Variants in APOB observed in about 807,000 individuals in gnomAD.
APOB encodes apolipoprotein B-100.
APOB carries 153 observed loss-of-function variants against 314.1 expected under a neutral mutation model. That is an observed-to-expected ratio of 0.49 (90% CI 0.43 to 0.56). The LOEUF is 0.56. Ranked by LOEUF, APOB falls within the 20% of genes least tolerant of loss-of-function variation. APOB has a pLI of 0.00. For synonymous variants in APOB, 2,087 were observed against 2,036.4 expected (o/e 1.02, Z -0.67); for missense variants, 5,430 against 5,350.7 (o/e 1.01, Z -0.46).
In APOB at chr2:21,011,117, G is replaced by C. The variant is rs543623037; in HGVS notation, c.5751C>G (p.Leu1917=). The change falls in exon 26 of 29, where the codon CTC becomes CTG. Residue 1917 remains leucine, a synonymous_variant. Coordinates refer to ENST00000233242, the MANE Select transcript of APOB (RefSeq NM_000384.3). ...GCCCAGTATGTTCTCCCCAGAGAGC[G>C]AGTTTCCCATTGCCATTTGTATGTG... ...IDAHTNGNGK[L]ALWGEHTGQL... is the part of the protein sequence containing the mutation. 3.1e-6 allele frequency: 5 copies of C among 1,614,152 alleles called. No individual in the cohort carries two copies. The highest frequency in any genetic ancestry group is 4.2e-6 in the Non-Finnish European group (5 of 1,180,016).
chr2:21,013,445 T>G lies in APOB; in HGVS notation c.3931A>C (p.Lys1311Gln). ...PFGGKSSRDLKMLETVRTPAL... is the reference protein window; with the variant it reads ...PFGGKSSRDLQMLETVRTPAL... The stretch of plus-strand genomic sequence containing the variant: ...GGTGTCCTAACAGTCTCTAACATCT[T>G]TAGATCTCTGGAGGATTTGCCACCA... Residue 1311 changes from lysine (K) to glutamine (Q), a missense_variant, in exon 25 of 29, where the codon AAG (lysine) becomes CAG (glutamine). Physicochemically the swap from Lys to Gln is moderately conservative, Grantham distance 53. This residue lies in a region of APOB where 2,085 missense variants were observed against 2,079.7 expected (regional missense o/e 1.00). Transcript: ENST00000233242. 20 of 1,614,208 alleles carry G rather than the reference T, an allele frequency of 1.2e-5. No homozygotes were observed. Among genetic ancestry groups the G allele is most frequent in the Non-Finnish European group, 1.7e-5 (20 of 1,180,016 alleles).
chr2:21,029,824 A>G (rs1476621091), intron 11 of APOB, 39 bp from the exon 12 acceptor site: 1 of 1,613,402 alleles, frequency 6.2e-7, no homozygotes, highest in South Asian at 1.1e-5. Flanking sequence ...ATCAGGGTGC[A>G]GGAGAGGGAA....
rs140830032 is a variant in APOB at position 21,031,237 on chromosome 2, T to C, written c.1352+1117A>G. Among the ~76,000 whole-genome samples the C allele has an allele frequency of 7.9e-4, 121 of 152,344 alleles. No homozygotes were observed. In the East Asian group the frequency reaches 0.014, roughly 17 times the overall value. On this transcript the variant is annotated intron_variant, in intron 10 of 28. Coordinates refer to ENST00000233242, the MANE Select transcript of APOB (RefSeq NM_000384.3). ...TCAATGGACGATTGGATTAAAAATG[T>C]GAAATGTATAGGCAATAAAATACTA...
intron 21 of APOB, among the ~76,000 whole-genome samples, chr2:21,016,223 G>T (rs542828012): frequency 3.8e-4 from 58 of 152,120 alleles, no homozygotes; most frequent in Non-Finnish European, 7.8e-4. Context: ...GGGAGGCGGA[G>T]GTTGCAGTGA....
intron 3 of APOB, among the ~76,000 whole-genome samples, chr2:21,041,561 A>G (rs1664133220): frequency 6.6e-6 from 1 of 152,246 alleles, no homozygotes; most frequent in South Asian, 2.1e-4. Flanking sequence ...TGGAGTTTCA[A>G]CGGATTCCTA....
At position 21,006,348 on chromosome 2, in the gene APOB, C is replaced by T. The variant is rs201156840; in HGVS notation, c.10520G>A (p.Arg3507Gln). The change falls in exon 26 of 29, where the codon CGG (arginine) becomes CAG (glutamine). Residue 3507 changes from arginine (R) to glutamine (Q), a missense_variant. By Grantham distance (43) the Arg-to-Gln change is conservative (BLOSUM62 1). Coordinates refer to ENST00000233242, the MANE Select transcript of APOB (RefSeq NM_000384.3). ...ACTAGCAATAGTTCCTGAATATTCC[C>T]GAGAAAGAACCGAACCCTTGACATC... ...KGDVKGSVLS[R>Q]EYSGTIASEA... 27 of 1,613,846 alleles carry T rather than the reference C, an allele frequency of 1.7e-5. No homozygotes were observed. Among genetic ancestry groups the T allele is most frequent in the South Asian group, 9.9e-5 (9 of 91,080 alleles).
In APOB at chr2:21,013,268, A is replaced by C; in HGVS notation, c.4108T>G (p.Ser1370Ala). Residue 1370 changes from serine to alanine, a missense_variant, in exon 25 of 29, where the codon TCC becomes GCC. This residue lies in a region of APOB where 2,085 missense variants were observed against 2,079.7 expected (regional missense o/e 1.00). Transcript: ENST00000233242. ...GTGTTGCCACCACTGTAGGAGGCGG[A>C]CCAGTTGTACAAGTTGCTGTAGACA... Reference protein sequence around the residue: ...TNVYSNLYNWSASYSGGNTST... With the variant: ...TNVYSNLYNWAASYSGGNTST... 2 of 1,614,228 alleles carry C rather than the reference A, an allele frequency of 1.2e-6. No homozygotes were observed. Among genetic ancestry groups the C allele is most frequent in the Non-Finnish European group, 1.7e-6 (2 of 1,180,046 alleles).
intron 12 of APOB, 59 bp from the exon 13 acceptor site, chr2:21,028,597 T>A: frequency 9.1e-7 from 1 of 1,102,214 alleles, no homozygotes; most frequent in Non-Finnish European, 1.4e-6. Context: ...AGAACATGCC[T>A]GGCAAACACT....
chr2:21,017,382 A>G (rs1260354026), intron 20 of APOB, among the ~76,000 whole-genome samples: 1 of 152,218 alleles, frequency 6.6e-6, no homozygotes, highest in Non-Finnish European at 1.5e-5. Context: ...GAAGAAGAGT[A>G]AAACTGGATA....
rs1663217585 is a variant in APOB at position 21,008,619 on chromosome 2, A to G, written c.8249T>C (p.Ile2750Thr). 8 of 1,614,092 alleles carry G rather than the reference A, an allele frequency of 5.0e-6. No individual in the cohort carries two copies. Among genetic ancestry groups the G allele is most frequent in the Admixed American group, 1.7e-5 (1 of 59,994 alleles). Residue 2750 changes from isoleucine (I) to threonine (T), a missense_variant, in exon 26 of 29, where the codon ATT (isoleucine) becomes ACT (threonine). By Grantham distance (89) the Ile-to-Thr change is moderately conservative. Coordinates refer to ENST00000233242, the MANE Select transcript of APOB (RefSeq NM_000384.3). The part of the protein sequence containing the change: ...EFQLPHISHT[I>T]EVPTFGKLYS... ...TAGCTTGCCAAAAGTAGGTACTTCA[A>G]TTGTGTGTGAGATGTGGGGAAGCTG...
chr2:21,027,250 G>A (rs1441379135), intron 14 of APOB, among the ~76,000 whole-genome samples: 1 of 151,870 alleles, frequency 6.6e-6, no homozygotes, highest in Non-Finnish European at 1.5e-5. Flanking sequence ...GATCTGACTA[G>A]GCAGCACATA....
rs1252601813 is a variant in APOB at position 21,012,448 on chromosome 2, T to C, written c.4420A>G (p.Lys1474Glu). The C allele has an allele frequency of 2.5e-6, 4 of 1,614,200 alleles. No individual in the cohort carries two copies. Reference protein sequence around the residue: ...QMSASVHLDSKKKQHLFVKEV... With the variant: ...QMSASVHLDSEKKQHLFVKEV... The stretch of plus-strand genomic sequence containing the variant: ...TTGACAAACAAATGCTGTTTCTTTT[T>C]GGAGTCCAAATGAACTGAAGCAGAC... The change falls in exon 26 of 29, where the codon AAA (lysine) becomes GAA (glutamate). Residue 1474 changes from lysine (K) to glutamate (E), a missense_variant. Coordinates refer to ENST00000233242, the MANE Select transcript of APOB (RefSeq NM_000384.3).
At position 21,012,542 on chromosome 2, in the gene APOB, T is replaced by C; in HGVS notation, c.4326A>G (p.Lys1442=). 6.2e-7 allele frequency: 1 copy of C among 1,614,186 alleles called. No individual in the cohort carries two copies. Among genetic ancestry groups the C allele is most frequent in the East Asian group, 2.2e-5 (1 of 44,894 alleles). The change falls in exon 26 of 29, where the codon AAA becomes AAG. Residue 1442 remains lysine (K), a synonymous_variant. Coordinates refer to ENST00000233242, the MANE Select transcript of APOB (RefSeq NM_000384.3). The stretch of plus-strand genomic sequence containing the variant: ...CTTTTGAGACTGGGTTGTTTCCAAG[T>C]TTTTCTACATGACTGAATTTGATAT... ...DSNIKFSHVE[K]LGNNPVSKGL... is the part of the protein sequence containing the mutation.
At chr2:21,031,944 C>T (rs1663893702) in intron 10 of APOB, among the ~76,000 whole-genome samples, 2 of 152,212 alleles carry the variant, frequency 1.3e-5, no homozygotes, top group African/African-American at 4.8e-5. Flanking sequence ...TAATAATATG[C>T]AAGCTGTAAT....
At chr2:21,019,679 T>G in intron 19 of APOB, 44 bp downstream of exon 19, 1 of 1,593,564 alleles carries the variant, frequency 6.3e-7, no homozygotes, top group Non-Finnish European at 8.6e-7. Flanking sequence ...GGCCATGATG[T>G]GGAAGGTGAG....
At position 21,005,852 on chromosome 2, in the gene APOB, G is replaced by A. The variant is rs768176888; in HGVS notation, c.11016C>T (p.Leu3672=). 6.2e-7 allele frequency: 1 copy of A among 1,613,886 alleles called. No homozygotes were observed. The highest frequency in any genetic ancestry group is 8.5e-7 in the Non-Finnish European group (1 of 1,179,944). ...AGSLEGHLRF[L]KNIILPVYDK... is the part of the protein sequence containing the mutation. Reference sequence around the variant, plus strand: ...CATAGACTGGTAGGATGATATTTTTGAGGAACCTTAGGTGTCCTTCTAAGG... The same window carrying A: ...CATAGACTGGTAGGATGATATTTTTAAGGAACCTTAGGTGTCCTTCTAAGG... Residue 3672 remains leucine, a synonymous_variant, in exon 26 of 29, where the codon CTC becomes CTT. Coordinates refer to ENST00000233242, the MANE Select transcript of APOB (RefSeq NM_000384.3).
At chr2:21,020,808 C>T (rs193172167) in intron 18 of APOB, among the ~76,000 whole-genome samples, 192 of 152,316 alleles carry the variant, frequency 1.3e-3, no homozygotes, top group African/African-American at 4.5e-3. Context: ...TGCCAGCTTT[C>T]GCCTACCCAT....
intron 20 of APOB, among the ~76,000 whole-genome samples, 199 bp from the exon 21 acceptor site, chr2:21,016,848 T>G (rs1340312461): frequency 1.2e-4 from 18 of 151,738 alleles, no homozygotes; most frequent in East Asian, 5.8e-4. Flanking sequence ...GCCGGGCGCG[T>G]TGGTGGGTGC....
intron 12 of APOB, among the ~76,000 whole-genome samples, chr2:21,029,414 T>G (rs1663821756): frequency 6.6e-6 from 1 of 151,292 alleles, no homozygotes; most frequent in Admixed American, 6.6e-5. Context: ...ATCATGCCAC[T>G]GCACTCCAGC....
Sources: gnomAD v4.1 joint callset for allele counts (sites outside exome capture counted in the v4.1 genomes callset) on GRCh38, gnomAD v4.1.1 for gene constraint, gnomAD v4.1.1 regional missense constraint, MANE v1.5 for transcripts, NCBI Gene and HGNC (gene_info 2026-07-23, HGNC 2026-07-21) for gene names.